Variants in KIF6 observed in about 807,000 individuals in gnomAD.
KIF6 encodes kinesin-like protein KIF6.
A neutral mutation model predicts 112.7 loss-of-function variants in KIF6; 106 were observed. The ratio of observed to expected loss-of-function variants is 0.94; its 90% confidence interval spans 0.80 to 1.11. The LOEUF is 1.11. KIF6 is among the 50% of genes least tolerant of loss of function. The pLI, the probability that KIF6 is intolerant of heterozygous loss-of-function variation, is 0.00. For missense variants in KIF6, 929 were observed against 964.0 expected (o/e 0.96, Z 0.48); for synonymous variants, 339 against 339.9 (o/e 1.00, Z 0.03).
chr6:39,342,611 AT>A lies in KIF6; in HGVS notation c.2428+1097del, dbSNP rs1167242138. On this transcript the variant is annotated intron_variant, in intron 22 of 22. Coordinates refer to ENST00000287152, the MANE Select transcript of KIF6 (RefSeq NM_145027.6). The surrounding 1 kb of genome is among the most constrained non-coding windows in gnomAD (Gnocchi z 4.7). The stretch of plus-strand genomic sequence containing the variant: ...TGAATCCAGTTTTTTATTTTTTTTT[AT>A]TTTTTTTTATTTTTTTTTATTTTTA... 4.7e-5 allele frequency among the ~76,000 whole-genome samples: 4 copies of A among 84,586 alleles called. No homozygotes were observed. Among genetic ancestry groups the A allele is most frequent in the South Asian group, 3.2e-4 (1 of 3,108 alleles). 55.5% of individuals were successfully genotyped at this position (84,586 alleles called of 152,430 possible).
intron 3 of KIF6, among the ~76,000 whole-genome samples, chr6:39,712,889 C>T (rs538864245): frequency 9.2e-5 from 14 of 152,244 alleles, no homozygotes; most frequent in African/African-American, 2.6e-4. Flanking sequence ...CAACATGGCA[C>T]GTGTATACCT....
intron 16 of KIF6, among the ~76,000 whole-genome samples, chr6:39,364,411 G>A (rs4714244): frequency 0.37 from 55,496 of 151,866 alleles, 11,818 homozygotes; most frequent in Admixed American, 0.46. Flanking sequence ...GAGCCACCGC[G>A]CCCAGCCCCC....
At chr6:39,600,788 T>C (rs537608050) in intron 6 of KIF6, among the ~76,000 whole-genome samples, 1 of 152,302 alleles carries the variant, frequency 6.6e-6, no homozygotes, top group Non-Finnish European at 1.5e-5. Flanking sequence ...GTAATAAAAA[T>C]CACACACCAA....
At position 39,343,534 on chromosome 6, in the gene KIF6, G is replaced by T; in HGVS notation, c.2428+175C>A. On this transcript the variant is annotated intron_variant, in intron 22 of 22. Transcript: ENST00000287152. This position sits in a 1 kb window ranked among gnomAD's most constrained non-coding sequence, Gnocchi z 4.1. ...CTTGGTGTTTCTGATGCTGCCCCTT[G>T]AGGCTTTCTCGAGAAGGAATCAGAG... 1 of 1,416,912 alleles carries T rather than the reference G, an allele frequency of 7.1e-7. No individual in the cohort carries two copies. The highest frequency in any genetic ancestry group is 9.5e-7 in the Non-Finnish European group (1 of 1,052,776). 87.8% of individuals were successfully genotyped at this position (1,416,912 alleles called of 1,614,324 possible).
chr6:39,337,974 C>G (rs1763122621), intron 22 of KIF6, among the ~76,000 whole-genome samples: 1 of 152,188 alleles, frequency 6.6e-6, no homozygotes, highest in Admixed American at 6.5e-5. Context: ...TTAAGAAAGG[C>G]AGAGTCTAAG....
intron 10 of KIF6, among the ~76,000 whole-genome samples, chr6:39,562,891 T>A (rs939330632): frequency 2.6e-5 from 4 of 152,246 alleles, no homozygotes; most frequent in African/African-American, 4.8e-5. Context: ...TAAATGTCTT[T>A]ATTTTGCCTG....
At chr6:39,406,166 G>C (rs1287729908) in intron 15 of KIF6, among the ~76,000 whole-genome samples, 2 of 152,012 alleles carry the variant, frequency 1.3e-5, no homozygotes, top group East Asian at 3.9e-4. Flanking sequence ...GATTACAGGG[G>C]TGTGCTACCA....
chr6:39,345,096 G>A (rs1314206102), intron 21 of KIF6, among the ~76,000 whole-genome samples: 1 of 152,246 alleles, frequency 6.6e-6, no homozygotes, highest in Non-Finnish European at 1.5e-5. Flanking sequence ...CCTCACCCCT[G>A]TGCCTCTGCA....
intron 13 of KIF6, among the ~76,000 whole-genome samples, chr6:39,510,872 CAAAAAA>C (rs1180631310): frequency 5.7e-3 from 137 of 23,862 alleles, no homozygotes; most frequent in African/African-American, 0.02. Context: ...AAATGGGAAG[CAAAAAA>C]AAAAAAAAAA....
chr6:39,664,463 T>C (rs1786337589), intron 3 of KIF6, among the ~76,000 whole-genome samples: 2 of 152,246 alleles, frequency 1.3e-5, no homozygotes, highest in Non-Finnish European at 2.9e-5. Context: ...TATTTCTAAA[T>C]AAATTCGTGT....
At chr6:39,382,289 T>C (rs1346285217) in intron 16 of KIF6, among the ~76,000 whole-genome samples, 3 of 152,194 alleles carry the variant, frequency 2.0e-5, no homozygotes, top group Admixed American at 1.3e-4. Flanking sequence ...TAGTAACCAA[T>C]AGGAAGTTTC....
intron 13 of KIF6, among the ~76,000 whole-genome samples, chr6:39,467,418 C>T (rs1773857267): frequency 6.6e-6 from 1 of 152,098 alleles, no homozygotes; most frequent in African/African-American, 2.4e-5. Context: ...ATAAAACCAT[C>T]AGGTGTCAAT....
At chr6:39,425,819 A>C (rs1770723794) in intron 14 of KIF6, among the ~76,000 whole-genome samples, 1 of 150,712 alleles carries the variant, frequency 6.6e-6, no homozygotes, top group Admixed American at 6.6e-5. Context: ...AGGAAAAATC[A>C]TAAGGGTTAA....
chr6:39,372,127 G>A (rs150918443), intron 16 of KIF6, among the ~76,000 whole-genome samples: 2 of 152,288 alleles, frequency 1.3e-5, no homozygotes, highest in African/African-American at 4.8e-5. Context: ...GAATTATTAA[G>A]ATTGCAATTA....
Position 39,362,430 on chromosome 6 carries a change from G to T in KIF6, c.1946+4C>A, listed in dbSNP as rs750120816. On this transcript the variant is annotated splice_donor_region_variant and intron_variant, in intron 17 of 22. Transcript: ENST00000287152. Reference sequence around the variant, plus strand: ...GGACTGTGTGTGGCTAAAAGGAAGGGCACCTTCTCTTTTCTTCCTCCAGTT... The same window carrying T: ...GGACTGTGTGTGGCTAAAAGGAAGGTCACCTTCTCTTTTCTTCCTCCAGTT... The T allele has an allele frequency of 6.2e-7, 1 of 1,611,402 alleles. No individual in the cohort carries two copies. The highest frequency in any genetic ancestry group is 1.7e-5 in the Admixed American group (1 of 60,020).
intron 13 of KIF6, among the ~76,000 whole-genome samples, chr6:39,527,814 A>G (rs2150536703): frequency 6.6e-6 from 1 of 152,208 alleles, no homozygotes; most frequent in East Asian, 1.9e-4. Context: ...TGCTCATATT[A>G]TTCTTTTTTT....
intron 13 of KIF6, among the ~76,000 whole-genome samples, chr6:39,460,185 T>G (rs1773370827): frequency 7.3e-6 from 1 of 137,286 alleles, no homozygotes; most frequent in South Asian, 2.6e-4. Flanking sequence ...CATGGAATAC[T>G]ATGCAGCCAT....
At chr6:39,669,299 A>C (rs571864326) in intron 3 of KIF6, among the ~76,000 whole-genome samples, 2 of 152,310 alleles carry the variant, frequency 1.3e-5, no homozygotes, top group South Asian at 4.1e-4. Context: ...TCTGATTCTA[A>C]GAGGAAATGG....
intron 15 of KIF6, among the ~76,000 whole-genome samples, chr6:39,387,700 T>G (rs1375695742): frequency 2.0e-5 from 3 of 152,132 alleles, no homozygotes. Flanking sequence ...CCCTACTCAG[T>G]GCAATTTGAC....
Sources: allele counts gnomAD v4.1 joint callset (sites outside exome capture counted in the v4.1 genomes callset), GRCh38; gene constraint gnomAD v4.1.1; non-coding constraint Gnocchi (gnomAD v3.1); transcripts MANE v1.5; gene names NCBI Gene and HGNC (gene_info 2026-07-23, HGNC 2026-07-21).